The following ANKRD35 variants were observed in gnomAD, a reference collection of about 807,000 sequenced individuals.
ANKRD35 encodes the protein ankyrin repeat domain-containing protein 35.
Under a neutral mutation model 109.9 loss-of-function variants are expected in ANKRD35, and 102 were observed. The observed-to-expected ratio is 0.93, with a 90% CI of 0.79 to 1.09. The LOEUF (loss-of-function observed/expected upper bound fraction) is 1.09. Ranked by LOEUF, ANKRD35 falls within the 50% of genes least tolerant of loss-of-function variation. The probability of loss-of-function intolerance (pLI) is 0.00; values close to 1 mark genes in which losing one functional copy is unlikely to be tolerated. For missense variants in ANKRD35, 1,240 were observed against 1,230.1 expected, an observed-to-expected ratio of 1.01 and a Z score of -0.12; for synonymous variants, 515 against 512.4, an observed-to-expected ratio of 1.01 and a Z score of -0.07.
intron 1 of ANKRD35, among the ~76,000 whole-genome samples, chr1:145,884,799 T>A (rs1228692990): frequency 6.6e-6 from 1 of 152,068 alleles, no homozygotes; most frequent in African/African-American, 2.4e-5. Flanking sequence ...AAATGAATAA[T>A]CTGGGGAAAA....
At chr1:145,884,992 C>A (rs1553741647) in intron 1 of ANKRD35, among the ~76,000 whole-genome samples, 2 of 152,146 alleles carry the variant, frequency 1.3e-5, no homozygotes, top group African/African-American at 2.4e-5. Flanking sequence ...TAACTCACAG[C>A]AAGCAGGCAG....
chr1:145,867,840 C>G, intron 12 of ANKRD35, 151 bp downstream of exon 12: 1 of 713,034 alleles, frequency 1.4e-6, no homozygotes, highest in Non-Finnish European at 2.5e-6. Flanking sequence ...TCTTGATCTA[C>G]CAAATGAGAT....
chr1:145,872,099 T>C lies in ANKRD35; in HGVS notation c.2670A>G (p.Glu890=), dbSNP rs1553738778. The C allele has an allele frequency of 6.2e-7, 1 of 1,613,120 alleles. No individual in the cohort carries two copies. Among genetic ancestry groups the C allele is most frequent in the Non-Finnish European group, 8.5e-7 (1 of 1,179,664 alleles). The part of the protein sequence containing the change: ...RSGDLAAQAA[E]QERQASEMRG... ...GCATCTCGCTGGCCTGGCGCTCTTG[T>C]TCGGCTGCCTGAGCGGCCAGGTCCC... Residue 890 remains glutamate (E), a synonymous_variant, in exon 10 of 14, where the codon GAA becomes GAG. Transcript: ENST00000355594.
intron 10 of ANKRD35, among the ~76,000 whole-genome samples, chr1:145,871,121 T>TTCTTTC (rs1553738522): frequency 3.6e-5 from 4 of 112,336 alleles, no homozygotes; most frequent in Admixed American, 3.1e-4. Context: ...TTCAAGCTTT[T>TTCTTTC]TTTCTTTCTT....
Position 145,876,670 on chromosome 1 carries a change from G to C in ANKRD35, c.383-31C>G, listed in dbSNP as rs904646593. 9 of 1,613,522 alleles carry C rather than the reference G, an allele frequency of 5.6e-6. No individual in the cohort carries two copies. The Admixed American group carries it at 8.3e-5, about 15-fold the overall frequency. ...GAGAAGATGTTTGGGTTAAGGGGAA[G>C]CATGAAGAAAGCCTACTCAGACTAT... is the stretch of plus-strand genomic sequence containing the variant. On this transcript the variant is annotated intron_variant, in intron 5 of 13. Transcript: ENST00000355594.
chr1:145,876,974 G>A (rs1654104608), intron 4 of ANKRD35, 101 bp from the exon 5 acceptor site: 4 of 1,236,878 alleles, frequency 3.2e-6, no homozygotes, highest in Non-Finnish European at 4.7e-6. Flanking sequence ...ATGAGGAGGG[G>A]CAGGAGGTCC....
chr1:145,879,379 A>T lies in ANKRD35; in HGVS notation c.49T>A (p.Trp17Arg). 6.3e-7 allele frequency: 1 copy of T among 1,581,292 alleles called. No homozygotes were observed. The highest frequency in any genetic ancestry group is 8.6e-7 in the Non-Finnish European group (1 of 1,162,726). The change falls in exon 2 of 14, where the codon TGG becomes AGG. Residue 17 changes from tryptophan (W) to arginine (R), a missense_variant. Physicochemically the swap from Trp to Arg is moderately radical, Grantham distance 101 (BLOSUM62 -3). Coordinates refer to ENST00000355594, the MANE Select transcript of ANKRD35 (RefSeq NM_144698.5). ...CSSTQVAVER[W>R]NRHDQKLLEA... ...AGCAGCTTCTGATCATGGCGGTTCCATCTCTCCACCTGGTCCAGAGCCACA... is the reference window on the plus strand; with the variant it reads ...AGCAGCTTCTGATCATGGCGGTTCCTTCTCTCCACCTGGTCCAGAGCCACA...
At position 145,872,388 on chromosome 1, in the gene ANKRD35, C is replaced by G; in HGVS notation, c.2381G>C (p.Arg794Pro). 1.9e-6 allele frequency: 3 copies of G among 1,613,168 alleles called. No homozygotes were observed. The highest frequency in any genetic ancestry group is 2.5e-6 in the Non-Finnish European group (3 of 1,179,698). ...CCCGCTCATCGTGGCCTGAACTGCC[C>G]GCAGCTCTTCCTCCAGCTTCCCCAG... ...QDLGKLEEEL[R>P]AVQATMSGKS... The change falls in exon 10 of 14, where the codon CGG (arginine) becomes CCG (proline). Residue 794 changes from arginine (R) to proline (P), a missense_variant. Coordinates refer to ENST00000355594, the MANE Select transcript of ANKRD35 (RefSeq NM_144698.5).
intron 8 of ANKRD35, among the ~76,000 whole-genome samples, chr1:145,874,449 T>TCGG (rs1285599853): frequency 2.6e-5 from 4 of 152,168 alleles, no homozygotes; most frequent in African/African-American, 9.7e-5. Context: ...GTCCAGCACT[T>TCGG]TAATAAGCAC....
At chr1:145,876,100 C>G in intron 7 of ANKRD35, 40 bp downstream of exon 7, 2 of 1,580,544 alleles carry the variant, frequency 1.3e-6, no homozygotes, top group Non-Finnish European at 1.7e-6. Flanking sequence ...CTAAATTGGT[C>G]AGGCATGGGA....
At chr1:145,876,722 A>G (rs1430850063) in intron 5 of ANKRD35, 83 bp from the exon 6 acceptor site, 9 of 1,608,912 alleles carry the variant, frequency 5.6e-6, no homozygotes, top group Non-Finnish European at 7.7e-6. Context: ...CGACCATTTC[A>G]TTGGTTGGCC....
chr1:145,883,821 G>A (rs1199339802), intron 1 of ANKRD35, among the ~76,000 whole-genome samples: 1 of 152,204 alleles, frequency 6.6e-6, no homozygotes, highest in African/African-American at 2.4e-5. Flanking sequence ...ATCTGCAGCT[G>A]AAACTGCCCT....
intron 1 of ANKRD35, among the ~76,000 whole-genome samples, chr1:145,881,581 G>A (rs891808946): frequency 2.0e-5 from 3 of 152,176 alleles, no homozygotes; most frequent in Admixed American, 6.5e-5. Context: ...TCACCCCCAG[G>A]AAAGCAGAGA....
chr1:145,872,975 G>T lies in ANKRD35; in HGVS notation c.1794C>A (p.Ala598=), dbSNP rs368911005. The change falls in exon 10 of 14, where the codon GCC becomes GCA. Residue 598 remains alanine (A), a synonymous_variant. Coordinates refer to ENST00000355594, the MANE Select transcript of ANKRD35 (RefSeq NM_144698.5). ...VPGAQGEPLG[A]LGGEKALGGL... ...CTCCTAGGGCCTTTTCCCCTCCAAG[G>T]GCCCCTAGAGGCTCTCCTTGAGCCC... is the stretch of plus-strand genomic sequence containing the variant. 1.9e-6 allele frequency: 3 copies of T among 1,608,668 alleles called. No homozygotes were observed. Among genetic ancestry groups the T allele is most frequent in the Non-Finnish European group, 2.5e-6 (3 of 1,177,750 alleles).
chr1:145,880,475 A>G (rs1044906680), intron 1 of ANKRD35, among the ~76,000 whole-genome samples: 6 of 152,214 alleles, frequency 3.9e-5, no homozygotes, highest in African/African-American at 1.4e-4. Context: ...CTTCTATAAA[A>G]TACGGCTAAT....
intron 10 of ANKRD35, among the ~76,000 whole-genome samples, chr1:145,871,153 C>CTTTTTCT (rs1559171865): frequency 2.6e-5 from 2 of 78,098 alleles, no homozygotes; most frequent in African/African-American, 9.3e-5. Flanking sequence ...TTTCTTTTTT[C>CTTTTTCT]TTTTTTTTTT....
At position 145,872,090 on chromosome 1, in the gene ANKRD35, G is replaced by T. The variant is rs138945328; in HGVS notation, c.2679C>A (p.Arg893=). The change falls in exon 10 of 14, where the codon CGC becomes CGA. Residue 893 remains arginine, a synonymous_variant. Transcript: ENST00000355594. ...DLAAQAAEQE[R]QASEMRGRSE... Reference sequence around the variant, plus strand: ...AGCGCCCCCGCATCTCGCTGGCCTGGCGCTCTTGTTCGGCTGCCTGAGCGG... The same window carrying T: ...AGCGCCCCCGCATCTCGCTGGCCTGTCGCTCTTGTTCGGCTGCCTGAGCGG... 1.5e-5 allele frequency: 25 copies of T among 1,613,262 alleles called. No individual in the cohort carries two copies. Among genetic ancestry groups the T allele is most frequent in the Non-Finnish European group, 2.1e-5 (25 of 1,179,756 alleles).
chr1:145,873,065 C>A lies in ANKRD35; in HGVS notation c.1704G>T (p.Glu568Asp). The change falls in exon 10 of 14, where the codon GAG (glutamate) becomes GAT (aspartate). Residue 568 changes from glutamate to aspartate, a missense_variant. Transcript: ENST00000355594. Reference sequence around the variant, plus strand: ...TCCCTGGGGCTGCCTTTAGGGCTCCCTCTCTGGACTCCTGGGAAGGAACCT... The same window carrying A: ...TCCCTGGGGCTGCCTTTAGGGCTCCATCTCTGGACTCCTGGGAAGGAACCT... ...KPEVPSQESR[E>D]GALKAAPGSI... 6.2e-7 allele frequency: 1 copy of A among 1,611,928 alleles called. No homozygotes were observed. The highest frequency in any genetic ancestry group is 8.5e-7 in the Non-Finnish European group (1 of 1,178,982).
intron 1 of ANKRD35, among the ~76,000 whole-genome samples, chr1:145,880,695 C>T (rs1654253934): frequency 6.6e-6 from 1 of 152,066 alleles, no homozygotes; most frequent in African/African-American, 2.4e-5. Context: ...TGTGGAAGCC[C>T]AGTAACTCAT....
Sources: allele counts gnomAD v4.1 joint callset (sites outside exome capture counted in the v4.1 genomes callset), GRCh38; gene constraint gnomAD v4.1.1; transcripts MANE v1.5; gene names NCBI Gene and HGNC (gene_info 2026-07-23, HGNC 2026-07-21).